The following PSMC2 variants were observed in gnomAD, a reference collection of about 807,000 sequenced individuals.
PSMC2 encodes proteasome 26S subunit, ATPase 2, also known as 26S proteasome regulatory subunit 7.
PSMC2 carries 7 observed loss-of-function variants against 53.3 expected under a neutral mutation model. The ratio of observed to expected loss-of-function variants is 0.13; its 90% CI spans 0.07 to 0.25. PSMC2 has a LOEUF of 0.25. Among genes scored for constraint, PSMC2 ranks in the 10% least tolerant of loss-of-function variants. The pLI is 1.00. For synonymous variants in PSMC2, 169 were observed against 183.9 expected, an observed-to-expected ratio of 0.92 and a Z score of 0.66; for missense variants, 241 against 544.0, an observed-to-expected ratio of 0.44 and a Z score of 5.54.
intron 4 of PSMC2, among the ~76,000 whole-genome samples, chr7:103,358,176 C>T (rs1424378781): frequency 3.9e-5 from 6 of 152,166 alleles, no homozygotes; most frequent in East Asian, 1.9e-4. Flanking sequence ...ATTTTGAAGG[C>T]GTCGTTCTGT....
chr7:103,355,887 AT>A, intron 4 of PSMC2, 94 bp downstream of exon 4: 1 of 834,038 alleles, frequency 1.2e-6, no homozygotes, highest in Non-Finnish European at 1.8e-6. Flanking sequence ...TTCATAAATA[AT>A]TTTGATTCCA....
At chr7:103,366,740 A>G (rs890054569) in intron 9 of PSMC2, among the ~76,000 whole-genome samples, 1 of 152,334 alleles carries the variant, frequency 6.6e-6, no homozygotes, top group African/African-American at 2.4e-5. Flanking sequence ...TTCTTAGTGC[A>G]CATAAAATAA....
chr7:103,365,313 G>A (rs1820653298), intron 8 of PSMC2, among the ~76,000 whole-genome samples: 1 of 152,008 alleles, frequency 6.6e-6, no homozygotes, highest in African/African-American at 2.4e-5. Context: ...GTGGACTGGG[G>A]AGCAAACTTC....
chr7:103,360,488 G>T (rs1421773933), intron 4 of PSMC2, among the ~76,000 whole-genome samples: 1 of 152,034 alleles, frequency 6.6e-6, no homozygotes, highest in Non-Finnish European at 1.5e-5. Context: ...TGACCTCCTG[G>T]GCTCAAGTGA....
Position 103,352,683 on chromosome 7 carries a change from A to C in PSMC2, c.71-1238A>C. On this transcript the variant is annotated intron_variant, in intron 1 of 11. Transcript: ENST00000292644. ...GCCTGGGATTACAAGTGTGAGCCACAGCATCCGGCTGATTATAATCTTAAA... is the reference window on the plus strand; with the variant it reads ...GCCTGGGATTACAAGTGTGAGCCACCGCATCCGGCTGATTATAATCTTAAA... 1.5e-5 allele frequency: 9 copies of C among 582,026 alleles called. No homozygotes were observed. The South Asian group carries it at 1.7e-4, about 11-fold the overall frequency. The allele number at this position is 582,026 out of a possible 1,614,324, so 36.1% of individuals were successfully genotyped here. A position where few individuals can be genotyped will look rare whatever the true frequency, so the allele number is the denominator to read the frequency against.
chr7:103,363,109 ATT>A (rs1491311482), intron 6 of PSMC2, among the ~76,000 whole-genome samples: 5 of 151,990 alleles, frequency 3.3e-5, no homozygotes, highest in African/African-American at 1.2e-4. Flanking sequence ...TTATATATAT[ATT>A]TTTTGAGACA....
chr7:103,353,835 G>A (rs554411468), intron 1 of PSMC2, 86 bp from the exon 2 acceptor site: 23 of 1,151,054 alleles, frequency 2.0e-5, no homozygotes, highest in South Asian at 9.5e-5. Context: ...AATTTGAATC[G>A]AACAGAAAAA....
rs943781616 is a variant in PSMC2 at position 103,367,239 on chromosome 7, A to C, written c.845-174A>C. On this transcript the variant is annotated intron_variant, in intron 9 of 11. Coordinates refer to ENST00000292644, the MANE Select transcript of PSMC2 (RefSeq NM_002803.4). This position sits in a 1 kb window ranked among gnomAD's most constrained non-coding sequence, Gnocchi z 6.1. ...TGAATACTTTTGAAAGCAAAGATTC[A>C]CTTTCTAATTAGTTTTATATAAAGC... Among the ~76,000 whole-genome samples, 9 of 152,196 alleles carry C rather than the reference A, an allele frequency of 5.9e-5. No homozygotes were observed. The highest frequency in any genetic ancestry group is 2.2e-4 in the African/African-American group (9 of 41,462).
At chr7:103,361,670 T>C (rs1039358853) in intron 4 of PSMC2, among the ~76,000 whole-genome samples, 1 of 152,278 alleles carries the variant, frequency 6.6e-6, no homozygotes, top group African/African-American at 2.4e-5. Context: ...GGAGCATCAC[T>C]AATAATAAAG....
rs530974304 is a variant in PSMC2 at position 103,348,959 on chromosome 7, C to T, written c.70+1178C>T. ...CTGATTTTGTAAGTGCCAAACTACA[C>T]TCCATGGAGATTGTACCAGTTGACA... is the stretch of plus-strand genomic sequence containing the variant. On this transcript the variant is annotated intron_variant, in intron 1 of 11. Transcript: ENST00000292644. Among the ~76,000 whole-genome samples the T allele has an allele frequency of 8.5e-4, 129 of 152,326 alleles. 1 individual carries two copies. Among genetic ancestry groups the T allele is most frequent in the African/African-American group, 2.9e-3 (119 of 41,574 alleles).
intron 8 of PSMC2, among the ~76,000 whole-genome samples, chr7:103,365,090 T>C (rs1386263898): frequency 6.6e-6 from 1 of 151,562 alleles, no homozygotes; most frequent in Admixed American, 6.6e-5. Context: ...GAGGTATCCT[T>C]TTATTCCCTA....
chr7:103,354,982 T>TAA, intron 3 of PSMC2, 33 bp downstream of exon 3: 2 of 1,344,234 alleles, frequency 1.5e-6, no homozygotes, highest in Non-Finnish European at 2.1e-6. Context: ...TTCCTTCCTT[T>TAA]AAATGTAATG....
intron 7 of PSMC2, among the ~76,000 whole-genome samples, chr7:103,363,717 G>A (rs1316319065): frequency 6.6e-6 from 1 of 152,184 alleles, no homozygotes; most frequent in Non-Finnish European, 1.5e-5. Context: ...ATATGTTACA[G>A]GCTATTATAG....
At position 103,362,009 on chromosome 7, in the gene PSMC2, G is replaced by A; in HGVS notation, c.343G>A (p.Val115Ile). The stretch of plus-strand genomic sequence containing the variant: ...GGAGGACCCAAAATACATTATCAAC[G>A]TAAAGCAGTTTGCCAAGTTTGTGGT... ...DSEDPKYIIN[V>I]KQFAKFVVDL... The change falls in exon 5 of 12, where the codon GTA (valine) becomes ATA (isoleucine). Residue 115 changes from valine (V) to isoleucine (I), a missense_variant. Physicochemically the swap from Val to Ile is conservative, Grantham distance 29. Transcript: ENST00000292644. 6.2e-7 allele frequency: 1 copy of A among 1,613,864 alleles called. No homozygotes were observed. Among genetic ancestry groups the A allele is most frequent in the Non-Finnish European group, 8.5e-7 (1 of 1,179,882 alleles).
intron 2 of PSMC2, among the ~76,000 whole-genome samples, chr7:103,354,616 C>T (rs536584918): frequency 1.4e-4 from 21 of 152,078 alleles, no homozygotes; most frequent in Admixed American, 2.6e-4. Flanking sequence ...GTGATCCACC[C>T]GCCTCCGCCC....
chr7:103,364,985 T>TATATATATATATATATA (rs1820631473), intron 8 of PSMC2, among the ~76,000 whole-genome samples: 5 of 55,616 alleles, frequency 9.0e-5, no homozygotes, highest in South Asian at 6.4e-4. Context: ...ATATATATAT[T>TATATATATATATATATA]TAGAGAATAA....
chr7:103,348,204 C>T (rs1819647404), intron 1 of PSMC2, among the ~76,000 whole-genome samples: 1 of 152,156 alleles, frequency 6.6e-6, no homozygotes, highest in African/African-American at 2.4e-5. Flanking sequence ...ATAATACATT[C>T]ACAGGGTTCA....
chr7:103,352,533 C>T (rs1187982322), intron 1 of PSMC2, among the ~76,000 whole-genome samples: 2 of 151,482 alleles, frequency 1.3e-5, no homozygotes. Context: ...CCTCAGCCCC[C>T]CAAGTAGCTG....
At chr7:103,355,844 C>T (rs765701551) in intron 4 of PSMC2, 51 bp downstream of exon 4, 2 of 1,337,634 alleles carry the variant, frequency 1.5e-6, no homozygotes, top group East Asian at 4.6e-5. Flanking sequence ...TTTTCAAGCA[C>T]TTAATGTTAG....
Sources: gnomAD v4.1 joint callset for allele counts (sites outside exome capture counted in the v4.1 genomes callset) on GRCh38, gnomAD v4.1.1 for gene constraint, Gnocchi (gnomAD v3.1) non-coding constraint, MANE v1.5 for transcripts, NCBI Gene and HGNC (gene_info 2026-07-23, HGNC 2026-07-21) for gene names.